The following GATA6 variants were observed in gnomAD, a reference collection of about 807,000 sequenced individuals.
GATA6 encodes the protein transcription factor GATA-6.
Under a neutral mutation model 48.1 loss-of-function variants are expected in GATA6, and 11 were observed. That is an observed-to-expected ratio of 0.23 (90% confidence interval 0.14 to 0.38). The LOEUF (loss-of-function observed/expected upper bound fraction) is 0.38. Among genes scored for constraint, GATA6 ranks in the 10% least tolerant of loss-of-function variants. GATA6 has a pLI of 1.00. For missense variants in GATA6, 795 were observed against 850.3 expected (o/e 0.93, Z 0.81); for synonymous variants, 419 against 396.1 (o/e 1.06, Z -0.69).
intron 6 of GATA6, among the ~76,000 whole-genome samples, chr18:22,187,671 G>A (rs901490782): frequency 6.6e-6 from 1 of 151,870 alleles, no homozygotes; most frequent in Non-Finnish European, 1.5e-5. Flanking sequence ...TCCACAAATG[G>A]TCCTACTCCT....
rs1330410354 is a variant in GATA6 at position 22,201,039 on chromosome 18, G to A, written c.*216G>A. ...GCAACTGGGCGCTTGGGCCACTCCA[G>A]CCAGCCCGCCTCCGGGGCGGACCCT... On this transcript the variant is annotated 3_prime_UTR_variant, in exon 7 of 7. Coordinates refer to ENST00000269216, the MANE Select transcript of GATA6 (RefSeq NM_005257.6). 6.4e-6 allele frequency: 4 copies of A among 629,298 alleles called. No individual in the cohort carries two copies. The African/African-American group carries it at 7.3e-5, about 12-fold the overall frequency. 39.0% of individuals were successfully genotyped at this position (629,298 alleles called of 1,614,324 possible). A position where few individuals can be genotyped will look rare whatever the true frequency, so the allele number is the denominator to read the frequency against.
chr18:22,177,236 G>C, intron 3 of GATA6, 115 bp downstream of exon 3: 6 of 959,438 alleles, frequency 6.3e-6, no homozygotes, highest in Non-Finnish European at 8.8e-6. Context: ...GGACAGGTGC[G>C]GCCGCTGCGG....
intron 6 of GATA6, among the ~76,000 whole-genome samples, chr18:22,184,509 T>C (rs1731601214): frequency 6.6e-6 from 1 of 152,106 alleles, no homozygotes; most frequent in Non-Finnish European, 1.5e-5. Flanking sequence ...ATTATTTTTT[T>C]TTTGAGGCTG....
At chr18:22,179,563 G>T (rs1195317651) in intron 3 of GATA6, among the ~76,000 whole-genome samples, 1 of 152,126 alleles carries the variant, frequency 6.6e-6, no homozygotes, top group East Asian at 1.9e-4. Flanking sequence ...AATTCCACTG[G>T]AAACTGTCAT....
chr18:22,196,783 CTT>C (rs1398979253), intron 6 of GATA6, among the ~76,000 whole-genome samples: 6 of 152,140 alleles, frequency 3.9e-5, no homozygotes, highest in African/African-American at 1.4e-4. Flanking sequence ...AGTCATGAGA[CTT>C]TTGAATGGCT....
chr18:22,198,794 T>C (rs1422719899), intron 6 of GATA6, among the ~76,000 whole-genome samples: 3 of 152,242 alleles, frequency 2.0e-5, no homozygotes, highest in Non-Finnish European at 4.4e-5. Context: ...TTCAGTTTGT[T>C]GGACAGGATT....
chr18:22,189,013 T>C (rs953757727), intron 6 of GATA6, among the ~76,000 whole-genome samples: 4 of 152,196 alleles, frequency 2.6e-5, no homozygotes, highest in East Asian at 1.9e-4. Context: ...GGCTGAGAGA[T>C]AGAGACTTAG....
chr18:22,187,592 T>A, intron 6 of GATA6, among the ~76,000 whole-genome samples: 1 of 140,702 alleles, frequency 7.1e-6, no homozygotes, highest in Non-Finnish European at 1.5e-5. Context: ...ATTTTATAGT[T>A]TTTTTTGGTT....
chr18:22,174,007 C>T (rs931622403), intron 2 of GATA6, among the ~76,000 whole-genome samples: 2 of 152,156 alleles, frequency 1.3e-5, no homozygotes, highest in Admixed American at 6.5e-5. Context: ...GGAATGGGAT[C>T]GGGGGACCCT....
At position 22,200,575 on chromosome 18, in the gene GATA6, T is replaced by C. The variant is rs2033447773; in HGVS notation, c.1621-81T>C. The C allele has an allele frequency of 2.6e-6, 4 of 1,566,654 alleles. No individual in the cohort carries two copies. The Admixed American group carries it at 6.7e-5, about 26-fold the overall frequency. ...GCCCTGGCTGCACAGACCCGTTCAT[T>C]AGCTCCCATGTATTTCACTACCAGG... On this transcript the variant is annotated intron_variant, in intron 6 of 6. Coordinates refer to ENST00000269216, the MANE Select transcript of GATA6 (RefSeq NM_005257.6).
At chr18:22,181,345 A>G in intron 3 of GATA6, 108 bp from the exon 4 acceptor site, 1 of 1,314,624 alleles carries the variant, frequency 7.6e-7, no homozygotes. Flanking sequence ...TTTATAATAA[A>G]ACAGATACAT....
rs371202397 is a variant in GATA6, at chr18:22,195,184, C to G, written c.1621-5472C>G. On this transcript the variant is annotated intron_variant, in intron 6 of 6. Transcript: ENST00000269216. Reference sequence around the variant, plus strand: ...ATATCGGTTTTGAGAGCTGAAGTTACGCTGATGCATGGAGCTGACGTGTTG... The same window carrying G: ...ATATCGGTTTTGAGAGCTGAAGTTAGGCTGATGCATGGAGCTGACGTGTTG... Among the ~76,000 whole-genome samples the G allele has an allele frequency of 9.9e-5, 15 of 152,128 alleles. 1 individual carries two copies. The highest frequency in any genetic ancestry group is 5.2e-4 in the Admixed American group (8 of 15,276).
rs1323110205 is a variant in GATA6, at chr18:22,171,853, A to G, written c.709A>G (p.Ser237Gly). Reference sequence around the variant, plus strand: ...CTCGGCCGACAGCCCTCCATACGGCAGCGGAGGCGGCGCGGCTGGCGGCGG... The same window carrying G: ...CTCGGCCGACAGCCCTCCATACGGCGGCGGAGGCGGCGCGGCTGGCGGCGG... Reference protein sequence around the residue: ...QASADSPPYGSGGGAAGGGAA... With the variant: ...QASADSPPYGGGGGAAGGGAA... The change falls in exon 2 of 7, where the codon AGC (serine) becomes GGC (glycine). Residue 237 changes from serine to glycine, a missense_variant. Around this residue, in one of 5 missense-constraint regions of GATA6, gnomAD observed 591 missense variants for 570.0 expected, o/e 1.04. Transcript: ENST00000269216. The surrounding 1 kb of genome is among the most constrained non-coding windows in gnomAD (Gnocchi z 7.1). 9 of 1,189,060 alleles carry G rather than the reference A, an allele frequency of 7.6e-6. No individual in the cohort carries two copies. The highest frequency in any genetic ancestry group is 9.4e-6 in the Non-Finnish European group (9 of 961,664). 73.7% of individuals were successfully genotyped at this position (1,189,060 alleles called of 1,614,324 possible).
chr18:22,201,054 G>C lies in GATA6; in HGVS notation c.*231G>C. 1 of 594,566 alleles carries C rather than the reference G, an allele frequency of 1.7e-6. No individual in the cohort carries two copies. The highest frequency in any genetic ancestry group is 3.0e-6 in the Non-Finnish European group (1 of 337,438). The allele number at this position is 594,566 out of a possible 1,614,324, so 36.8% of individuals were successfully genotyped here. A position where few individuals can be genotyped will look rare whatever the true frequency, so the allele number is the denominator to read the frequency against. ...GGCCACTCCAGCCAGCCCGCCTCCGGGGCGGACCCTGCTCCACTTCCAGAA... is the reference window on the plus strand; with the variant it reads ...GGCCACTCCAGCCAGCCCGCCTCCGCGGCGGACCCTGCTCCACTTCCAGAA... On this transcript the variant is annotated 3_prime_UTR_variant, in exon 7 of 7. Coordinates refer to ENST00000269216, the MANE Select transcript of GATA6 (RefSeq NM_005257.6).
chr18:22,178,597 C>T (rs1174308150), intron 3 of GATA6, among the ~76,000 whole-genome samples: 2 of 152,268 alleles, frequency 1.3e-5, no homozygotes, highest in African/African-American at 2.4e-5. Context: ...AAGTCTGACA[C>T]CTTAAAGAGA....
chr18:22,172,296 A>T lies in GATA6; in HGVS notation c.1135+17A>T. The T allele has an allele frequency of 6.5e-7, 1 of 1,530,224 alleles. No individual in the cohort carries two copies. The highest frequency in any genetic ancestry group is 1.4e-5 in the African/African-American group (1 of 72,916). 94.8% of individuals were successfully genotyped at this position (1,530,224 alleles called of 1,614,324 possible). On this transcript the variant is annotated intron_variant, in intron 2 of 6. Coordinates refer to ENST00000269216, the MANE Select transcript of GATA6 (RefSeq NM_005257.6). The surrounding 1 kb of genome is among the most constrained non-coding windows in gnomAD (Gnocchi z 5.2). ...CCAGTGCAGGTAAGGGTCGCGCCTC[A>T]GGTTCGGGGTGCGGGTCCAAAGCGC...
intron 6 of GATA6, among the ~76,000 whole-genome samples, chr18:22,193,880 CT>C (rs1200687442): frequency 1.3e-5 from 2 of 152,164 alleles, no homozygotes; most frequent in African/African-American, 4.8e-5. Flanking sequence ...AGGCTACGCC[CT>C]TTCAGGGTTT....
At position 22,170,087 on chromosome 18, in the gene GATA6, TTCA is replaced by T. The variant is rs1400900462; in HGVS notation, c.-38+406_-38+408del. Among the ~76,000 whole-genome samples the T allele has an allele frequency of 6.6e-6, 1 of 152,120 alleles. No individual in the cohort carries two copies. Among genetic ancestry groups the T allele is most frequent in the Non-Finnish European group, 1.5e-5 (1 of 68,010 alleles). ...CTGGAGGAGGCCAGCCCGGCTGCAT[TTCA>T]CCTCCCTCCCCCACTCGCTCCGAGT... On this transcript the variant is annotated intron_variant, in intron 1 of 6. Coordinates refer to ENST00000269216, the MANE Select transcript of GATA6 (RefSeq NM_005257.6). This position sits in a 1 kb window ranked among gnomAD's most constrained non-coding sequence, Gnocchi z 6.7.
In GATA6 at chr18:22,176,942, G is replaced by T. The variant is rs1205832503; in HGVS notation, c.1136-13G>T. The T allele has an allele frequency of 6.5e-7, 1 of 1,540,376 alleles. No homozygotes were observed. The highest frequency in any genetic ancestry group is 1.4e-5 in the African/African-American group (1 of 71,992). ...GCGCCCACTCCCGCCCTCACGCACC[G>T]CTGTCGCCGCAGACCTGCTGGAGGA... On this transcript the variant is annotated splice_polypyrimidine_tract_variant and intron_variant, in intron 2 of 6. Transcript: ENST00000269216.
Sources: gnomAD v4.1 joint callset for allele counts (sites outside exome capture counted in the v4.1 genomes callset) on GRCh38, gnomAD v4.1.1 for gene constraint, gnomAD v4.1.1 regional missense constraint, Gnocchi (gnomAD v3.1) non-coding constraint, MANE v1.5 for transcripts, NCBI Gene and HGNC (gene_info 2026-07-23, HGNC 2026-07-21) for gene names.